GUCY1B1: variants seen among roughly 807,000 people sequenced by gnomAD.
The protein encoded by GUCY1B1 is guanylate cyclase 1 soluble subunit beta 1.
Under a neutral mutation model 71.0 loss-of-function variants are expected in GUCY1B1, and 43 were observed. That is an observed-to-expected ratio of 0.61 (90% CI 0.47 to 0.78). GUCY1B1 has a LOEUF of 0.78. GUCY1B1 is among the 30% of genes least tolerant of loss of function. GUCY1B1 has a pLI of 0.00. For missense variants in GUCY1B1, 535 were observed against 754.1 expected (o/e 0.71, Z 3.40); for synonymous variants, 266 against 259.7 (o/e 1.02, Z -0.23).
intron 12 of GUCY1B1, 82 bp downstream of exon 12, chr4:155,804,829 T>C (rs986712009): frequency 2.1e-5 from 27 of 1,294,368 alleles, no homozygotes; most frequent in Non-Finnish European, 2.5e-5. Flanking sequence ...AGAGATTTTG[T>C]TGCTTTAACA....
At chr4:155,773,285 G>A (rs1358324341) in intron 2 of GUCY1B1, among the ~76,000 whole-genome samples, 1 of 152,196 alleles carries the variant, frequency 6.6e-6, no homozygotes, top group Admixed American at 6.5e-5. Context: ...TGAGGTACAT[G>A]TGCAATTTGT....
Position 155,798,652 on chromosome 4 carries a change from A to T in GUCY1B1, c.978-1225A>T, listed in dbSNP as rs11100011. On this transcript the variant is annotated intron_variant, in intron 8 of 13. Transcript: ENST00000264424. Reference sequence around the variant, plus strand: ...AATTCTGCAAAGTCACCCCTTTTAAAGAATTTTGGATAGGATTAATTCAAA... The same window carrying T: ...AATTCTGCAAAGTCACCCCTTTTAATGAATTTTGGATAGGATTAATTCAAA... Among the ~76,000 whole-genome samples the T allele has an allele frequency of 6.7e-3, 1,023 of 152,336 alleles. 13 individuals carry two copies. Among genetic ancestry groups the T allele is most frequent in the African/African-American group, 0.024 (983 of 41,578 alleles).
At chr4:155,768,633 A>G (rs564649757) in intron 2 of GUCY1B1, among the ~76,000 whole-genome samples, 1 of 152,160 alleles carries the variant, frequency 6.6e-6, no homozygotes, top group South Asian at 2.1e-4. Flanking sequence ...AAAGAAAAAA[A>G]TCCCAACTTA....
chr4:155,772,606 G>A, intron 2 of GUCY1B1: 1 of 658,242 alleles, frequency 1.5e-6, no homozygotes. Context: ...TTCTAGGAGA[G>A]AAGAGGTCTT....
intron 2 of GUCY1B1, among the ~76,000 whole-genome samples, chr4:155,768,456 G>GTTTTTTTTTTTTTTTTTTTTTTT (rs35462860): frequency 7.8e-6 from 1 of 128,614 alleles, no homozygotes; most frequent in Non-Finnish European, 1.7e-5. Context: ...TTACTTGTTT[G>GTTTTTTTTTTTTTTTTTTTTTTT]TTTTTTTTTT....
chr4:155,797,741 T>TAATA (rs1024881170), intron 8 of GUCY1B1, among the ~76,000 whole-genome samples: 4 of 148,556 alleles, frequency 2.7e-5, no homozygotes, highest in African/African-American at 9.8e-5. Flanking sequence ...CTCAAAATAA[T>TAATA]AATAATAATA....
intron 4 of GUCY1B1, among the ~76,000 whole-genome samples, chr4:155,778,813 T>C (rs2111051539): frequency 6.6e-6 from 1 of 152,294 alleles, no homozygotes; most frequent in Admixed American, 6.5e-5. Context: ...TTGGGGGATT[T>C]TGGGTTTTTG....
intron 6 of GUCY1B1, among the ~76,000 whole-genome samples, chr4:155,794,788 A>G (rs1665419581): frequency 1.3e-5 from 2 of 152,160 alleles, no homozygotes; most frequent in Admixed American, 1.3e-4. Context: ...TATTGACTCT[A>G]CCTGTCCCTT....
chr4:155,774,959 GT>G lies in GUCY1B1; in HGVS notation c.78-5del. 1.4e-6 allele frequency: 2 copies of G among 1,441,278 alleles called. No homozygotes were observed. The highest frequency in any genetic ancestry group is 9.7e-7 in the Non-Finnish European group (1 of 1,026,298). The allele number at this position is 1,441,278 out of a possible 1,614,324, so 89.3% of individuals were successfully genotyped here. A position where few individuals can be genotyped will look rare whatever the true frequency, so the allele number is the denominator to read the frequency against. On this transcript the variant is annotated splice_polypyrimidine_tract_variant and splice_region_variant and intron_variant, in intron 2 of 13. Transcript: ENST00000264424. The stretch of plus-strand genomic sequence containing the variant: ...TTTCTCTTCTGTCTTTCTTGTTTTT[GT>G]TTTCCAGAAAAGAGGCACAGTTAGA...
intron 2 of GUCY1B1, among the ~76,000 whole-genome samples, chr4:155,765,939 A>G (rs1252239680): frequency 1.3e-5 from 2 of 152,056 alleles, no homozygotes; most frequent in Non-Finnish European, 2.9e-5. Context: ...TCACATCCAA[A>G]CTTTTCCCTT....
chr4:155,764,723 T>G (rs1737216168), intron 2 of GUCY1B1, among the ~76,000 whole-genome samples: 1 of 152,206 alleles, frequency 6.6e-6, no homozygotes, highest in African/African-American at 2.4e-5. Flanking sequence ...TGCATTGTAT[T>G]GTGTGTTGGC....
At chr4:155,787,377 G>T (rs1738869819) in intron 4 of GUCY1B1, among the ~76,000 whole-genome samples, 1 of 152,206 alleles carries the variant, frequency 6.6e-6, no homozygotes, top group Admixed American at 6.5e-5. Context: ...TAATTGTGGG[G>T]AAGGAAACAG....
chr4:155,791,098 T>C (rs1448738626), intron 5 of GUCY1B1, among the ~76,000 whole-genome samples: 2 of 151,854 alleles, frequency 1.3e-5, no homozygotes, highest in Non-Finnish European at 2.9e-5. Flanking sequence ...ATCAAAATAG[T>C]ATATACCTCA....
chr4:155,759,984 C>T, intron 2 of GUCY1B1, 124 bp downstream of exon 2: 2 of 637,880 alleles, frequency 3.1e-6, no homozygotes, highest in Admixed American at 2.9e-5. Flanking sequence ...GGTGCCTCCG[C>T]GCCTCGCTCC....
At chr4:155,804,442 A>T (rs1740171655) in intron 11 of GUCY1B1, 151 bp from the exon 12 acceptor site, 1 of 613,352 alleles carries the variant, frequency 1.6e-6, no homozygotes, top group African/African-American at 1.9e-5. Flanking sequence ...TAATGGGTTG[A>T]TAGGTGCAGC....
At chr4:155,783,630 G>T (rs1012572801) in intron 4 of GUCY1B1, among the ~76,000 whole-genome samples, 3 of 152,070 alleles carry the variant, frequency 2.0e-5, no homozygotes, top group Non-Finnish European at 4.4e-5. Context: ...GTTGGCTCCA[G>T]GTTTTGACTT....
intron 7 of GUCY1B1, 101 bp from the exon 8 acceptor site, chr4:155,796,276 G>A: frequency 2.8e-6 from 3 of 1,072,752 alleles, no homozygotes; most frequent in Non-Finnish European, 4.2e-6. Context: ...CACTTATTCT[G>A]CTTTGTGGTT....
In GUCY1B1 at chr4:155,802,232, C is replaced by T; in HGVS notation, c.1176-110C>T. ...TTTTAGAGGATGTCCTGCTAGAATC[C>T]AGGCCTTTAAAGTACAAACGACACT... On this transcript the variant is annotated intron_variant, in intron 9 of 13. Coordinates refer to ENST00000264424, the MANE Select transcript of GUCY1B1 (RefSeq NM_000857.5). The surrounding 1 kb of genome is among the most constrained non-coding windows in gnomAD (Gnocchi z 4.3). 6.5e-7 allele frequency: 1 copy of T among 1,540,260 alleles called. No individual in the cohort carries two copies.
chr4:155,789,646 T>C (rs1393211931), intron 4 of GUCY1B1, 68 bp from the exon 5 acceptor site: 2 of 896,748 alleles, frequency 2.2e-6, no homozygotes, highest in East Asian at 4.9e-5. Flanking sequence ...TTTCATATCT[T>C]GCTTTCCCAG....
Sources: gnomAD v4.1 joint callset for allele counts (sites outside exome capture counted in the v4.1 genomes callset) on GRCh38, gnomAD v4.1.1 for gene constraint, Gnocchi (gnomAD v3.1) non-coding constraint, MANE v1.5 for transcripts, NCBI Gene and HGNC (gene_info 2026-07-23, HGNC 2026-07-21) for gene names.